Variants in SPMIP10 observed in about 807,000 individuals in gnomAD.
The protein encoded by SPMIP10 is sperm microtubule inner protein 10, also known as sperm-associated microtubule inner protein 10.
At chr5:126,633,021 AT>A in the SPMIP10 span, among the ~76,000 whole-genome samples, 5 of 145,788 alleles carry the variant, frequency 3.4e-5, no homozygotes, top group African/African-American at 1.0e-4. Flanking sequence ...ATATATATAT[AT>A]ATATATATAT....
the SPMIP10 span, among the ~76,000 whole-genome samples, chr5:126,633,008 C>CATATATATATATATATATAT: frequency 2.7e-3 from 337 of 125,224 alleles, 4 homozygotes; most frequent in African/African-American, 0.012. Context: ...ATAAATTTTA[C>CATATATATATATATATATAT]ATATATATAT....
chr5:126,633,703 C>G, the SPMIP10 span, among the ~76,000 whole-genome samples: 5 of 152,098 alleles, frequency 3.3e-5, no homozygotes, highest in African/African-American at 1.2e-4. Context: ...CTCTGTCACC[C>G]AGACAGGAGT....
chr5:126,634,889 C>T, the SPMIP10 span, among the ~76,000 whole-genome samples: 1 of 151,978 alleles, frequency 6.6e-6, no homozygotes, highest in Admixed American at 6.6e-5. Context: ...ATATAGCACA[C>T]AGACTAGGTG....
the SPMIP10 span, chr5:126,631,805 A>G: frequency 1.1e-5 from 18 of 1,607,562 alleles, no homozygotes; most frequent in East Asian, 2.7e-4. Flanking sequence ...GAGAGTCTCT[A>G]TAAATCTGCT....
the SPMIP10 span, among the ~76,000 whole-genome samples, chr5:126,632,856 G>C: frequency 6.6e-6 from 1 of 151,612 alleles, no homozygotes; most frequent in Non-Finnish European, 1.5e-5. Context: ...GCATGGTGGC[G>C]GGCAGTTGTA....
the SPMIP10 span, chr5:126,631,751 A>T: frequency 3.1e-5 from 50 of 1,611,354 alleles, no homozygotes; most frequent in Non-Finnish European, 4.1e-5. Flanking sequence ...TCAGGGAAAG[A>T]TACTTGTCCT....
chr5:126,632,807 C>T, the SPMIP10 span, among the ~76,000 whole-genome samples: 164 of 151,682 alleles, frequency 1.1e-3, no homozygotes, highest in African/African-American at 3.8e-3. Flanking sequence ...AGCCAACTGG[C>T]GGAACCCCAT....
the SPMIP10 span, chr5:126,632,416 A>G: frequency 6.7e-6 from 4 of 597,458 alleles, no homozygotes; most frequent in Non-Finnish European, 1.2e-5. Flanking sequence ...CTGAGTTTCA[A>G]TGGCACAGCC....
At chr5:126,635,956 C>G in the SPMIP10 span, 24 of 1,258,444 alleles carry the variant, frequency 1.9e-5, no homozygotes, top group Non-Finnish European at 2.6e-5. Flanking sequence ...GCCATGGCTC[C>G]TGATGAAACT....
chr5:126,634,569 T>C, the SPMIP10 span, among the ~76,000 whole-genome samples: 1 of 152,370 alleles, frequency 6.6e-6, no homozygotes, highest in East Asian at 1.9e-4. Context: ...TTTTCATTTA[T>C]GAGAATTATA....
the SPMIP10 span, among the ~76,000 whole-genome samples, chr5:126,635,683 T>C: frequency 3.9e-5 from 6 of 152,168 alleles, no homozygotes; most frequent in African/African-American, 1.4e-4. Flanking sequence ...GAAACTTCCA[T>C]CATTTTTGGA....
chr5:126,632,593 T>A, the SPMIP10 span: 2 of 1,612,434 alleles, frequency 1.2e-6, no homozygotes, highest in Middle Eastern at 3.3e-4. Flanking sequence ...CAAGGGATGA[T>A]CCCAAGACGT....
the SPMIP10 span, among the ~76,000 whole-genome samples, chr5:126,635,556 A>C: frequency 1.3e-5 from 2 of 152,216 alleles, no homozygotes; most frequent in Non-Finnish European, 2.9e-5. Context: ...TATAGTCTGC[A>C]TGACTCTTTC....
chr5:126,632,258 TA>T, the SPMIP10 span, among the ~76,000 whole-genome samples: 713 of 57,142 alleles, frequency 0.012, 10 homozygotes, highest in African/African-American at 0.026. Context: ...TCCATCTCAT[TA>T]AAAAAAAAAA....
At chr5:126,632,427 G>T in the SPMIP10 span, 1 of 637,922 alleles carries the variant, frequency 1.6e-6, no homozygotes. Context: ...TGGCACAGCC[G>T]TCTGTCCTGC....
At chr5:126,633,954 C>T in the SPMIP10 span, among the ~76,000 whole-genome samples, 127 of 152,194 alleles carry the variant, frequency 8.3e-4, no homozygotes, top group African/African-American at 2.9e-3. Context: ...CCACTGTACC[C>T]GGCTCCAGTC....
chr5:126,633,901 C>T, the SPMIP10 span, among the ~76,000 whole-genome samples: 34 of 152,194 alleles, frequency 2.2e-4, no homozygotes, highest in African/African-American at 7.7e-4. Context: ...CCAAGCGATT[C>T]TCCTGCCTCA....
the SPMIP10 span, chr5:126,631,890 TCA>T: frequency 1.1e-6 from 1 of 932,352 alleles, no homozygotes; most frequent in Non-Finnish European, 1.7e-6. Context: ...AAAGATACGG[TCA>T]ATAACTTTGT....
the SPMIP10 span, chr5:126,631,706 G>A: frequency 6.3e-6 from 9 of 1,431,528 alleles, no homozygotes; most frequent in South Asian, 1.0e-4. Flanking sequence ...TGAAGTTTTA[G>A]ATGAGTATTC....
Sources: allele counts gnomAD v4.1 joint callset (sites outside exome capture counted in the v4.1 genomes callset), GRCh38; gene constraint gnomAD v4.1.1; transcripts MANE v1.5; gene names NCBI Gene and HGNC (gene_info 2026-07-23, HGNC 2026-07-21).